The following PLCD3 variants were observed in gnomAD, a reference collection of about 807,000 sequenced individuals.
The protein encoded by PLCD3 is 1-phosphatidylinositol 4,5-bisphosphate phosphodiesterase delta-3.
In PLCD3, 62 loss-of-function variants were observed where a neutral mutation model predicts 82.8. The ratio of observed to expected loss-of-function variants is 0.75; its 90% CI spans 0.61 to 0.93. The LOEUF (loss-of-function observed/expected upper bound fraction) is 0.93, where lower values mean the gene tolerates loss of function less well. PLCD3 is among the 40% of genes least tolerant of loss of function. The pLI, the probability that PLCD3 is intolerant of heterozygous loss-of-function variation, is 0.00. For missense variants in PLCD3, 1,023 were observed against 1,103.4 expected, an observed-to-expected ratio of 0.93 and a Z score of 1.03; for synonymous variants, 478 against 471.8, an observed-to-expected ratio of 1.01 and a Z score of -0.17.
At position 45,113,581 on chromosome 17, in the gene PLCD3, C is replaced by T. The variant is rs1482062566; in HGVS notation, c.1853G>A (p.Gly618Asp). The T allele has an allele frequency of 6.4e-7, 1 of 1,556,818 alleles. No individual in the cohort carries two copies. Among genetic ancestry groups the T allele is most frequent in the South Asian group, 1.2e-5 (1 of 84,268 alleles). ...QLVALNFQTPGYEMDLNAGRF... is the reference protein window; with the variant it reads ...QLVALNFQTPDYEMDLNAGRF... ...CCCGGCATTGAGGTCCATCTCGTAG[C>T]CTGGCGTCTGGAAGTTCAAGGCCAC... Residue 618 changes from glycine to aspartate, a missense_variant, in exon 12 of 15, where the codon GGC becomes GAC. Physicochemically the swap from Gly to Asp is moderately conservative, Grantham distance 94. Transcript: ENST00000619929.
intron 7 of PLCD3, among the ~76,000 whole-genome samples, chr17:45,117,158 T>C (rs944213325): frequency 1.3e-5 from 2 of 152,166 alleles, no homozygotes; most frequent in African/African-American, 2.4e-5. Context: ...TTGGCCAGGC[T>C]GGTCTCAAAC....
chr17:45,118,212 GCCAGGAAGGCC>G lies in PLCD3; in HGVS notation c.1115+68_1116-75del. On this transcript the variant is annotated intron_variant, in intron 6 of 14. Coordinates refer to ENST00000619929, the MANE Select transcript of PLCD3 (RefSeq NM_133373.5). This position sits in a 1 kb window ranked among gnomAD's most constrained non-coding sequence, Gnocchi z 4.1. ...CAGAGCAGGGCAGCAGGCAGGCTGG[GCCAGGAAGGCC>G]CCAGGAAGCCAGCCCATGTCTCTCC... is the stretch of plus-strand genomic sequence containing the variant. The G allele has an allele frequency of 6.2e-7, 1 of 1,611,120 alleles. No homozygotes were observed. Among genetic ancestry groups the G allele is most frequent in the Non-Finnish European group, 8.5e-7 (1 of 1,177,992 alleles).
Position 45,132,461 on chromosome 17 carries a change from G to A in PLCD3, c.-51C>T, listed in dbSNP as rs1053961617. ...CCCGGGGTCTGCACGCGGGGACAGG[G>A]CAGCGGGGCGCCGCTCTGGCCCGGC... On this transcript the variant is annotated 5_prime_UTR_variant, in exon 1 of 15. Transcript: ENST00000619929. This position sits in a 1 kb window ranked among gnomAD's most constrained non-coding sequence, Gnocchi z 4.6. The A allele has an allele frequency of 1.2e-5, 13 of 1,113,184 alleles. No individual in the cohort carries two copies. Among genetic ancestry groups the A allele is most frequent in the Non-Finnish European group, 5.6e-6 (5 of 895,322 alleles). The allele number at this position is 1,113,184 out of a possible 1,614,324, so 69.0% of individuals were successfully genotyped here.
Position 45,118,860 on chromosome 17 carries a change from C to T in PLCD3, c.868G>A (p.Ala290Thr). The T allele has an allele frequency of 6.2e-7, 1 of 1,611,842 alleles. No individual in the cohort carries two copies. Among genetic ancestry groups the T allele is most frequent in the Non-Finnish European group, 8.5e-7 (1 of 1,179,802 alleles). Residue 290 changes from alanine to threonine, a missense_variant, in exon 5 of 15, where the codon GCC becomes ACC. Coordinates refer to ENST00000619929, the MANE Select transcript of PLCD3 (RefSeq NM_133373.5). The surrounding 1 kb of genome is among the most constrained non-coding windows in gnomAD (Gnocchi z 4.1). ...GTCTGAATGAGCTGCTGGGCGCGGGCCAGTGTGGCGCCCTCCTCGCCCTGG... is the reference window on the plus strand; with the variant it reads ...GTCTGAATGAGCTGCTGGGCGCGGGTCAGTGTGGCGCCCTCCTCGCCCTGG... ...EDQGEEGATL[A>T]RAQQLIQTYE...
chr17:45,124,447 G>A (rs2054366012), intron 1 of PLCD3, among the ~76,000 whole-genome samples: 1 of 151,614 alleles, frequency 6.6e-6, no homozygotes, highest in African/African-American at 2.4e-5. Context: ...AAGCCAAACA[G>A]AAGGAGGGTG....
At chr17:45,113,705 C>T (rs980545466) in intron 11 of PLCD3, 100 bp from the exon 12 acceptor site, 2 of 1,402,592 alleles carry the variant, frequency 1.4e-6, no homozygotes, top group Non-Finnish European at 9.6e-7. Flanking sequence ...GCCTGGGGTC[C>T]CACTGTCTGC....
chr17:45,121,073 C>A lies in PLCD3; in HGVS notation c.383G>T (p.Arg128Leu). The change falls in exon 3 of 15, where the codon CGC (arginine) becomes CTC (leucine). Residue 128 changes from arginine (R) to leucine (L), a missense_variant. By Grantham distance (102) the Arg-to-Leu change is moderately radical. This residue lies in a region of PLCD3 where 448 missense variants were observed against 406.3 expected (regional missense o/e 1.10). Transcript: ENST00000619929. ...CGCTGGCGCGAAGGCACCCCCGAAG[C>A]GCCGCAGGCCCTCGGACTGGTGGCC... ...REGHQSEGLR[R>L]FGGAFAPARC... 2 of 1,541,326 alleles carry A rather than the reference C, an allele frequency of 1.3e-6. No homozygotes were observed. The highest frequency in any genetic ancestry group is 1.7e-6 in the Non-Finnish European group (2 of 1,152,130).
At position 45,128,569 on chromosome 17, in the gene PLCD3, T is replaced by G. The variant is rs565851470; in HGVS notation, c.163+3679A>C. Among the ~76,000 whole-genome samples, 230 of 152,318 alleles carry G rather than the reference T, an allele frequency of 1.5e-3. 4 individuals are homozygous for G. The highest frequency in any genetic ancestry group is 2.6e-4 in the Non-Finnish European group (18 of 68,024). Reference sequence around the variant, plus strand: ...CAGGCCATGGGCCGAGCCCTCTCGCTCAGGGGCACTTGGTAGTGTGTGTAG... The same window carrying G: ...CAGGCCATGGGCCGAGCCCTCTCGCGCAGGGGCACTTGGTAGTGTGTGTAG... On this transcript the variant is annotated intron_variant, in intron 1 of 14. Coordinates refer to ENST00000619929, the MANE Select transcript of PLCD3 (RefSeq NM_133373.5).
chr17:45,128,303 A>G (rs776926537), intron 1 of PLCD3, among the ~76,000 whole-genome samples: 2 of 152,228 alleles, frequency 1.3e-5, no homozygotes, highest in African/African-American at 2.4e-5. Context: ...CAGAACAGGC[A>G]TGAAACCTGG....
chr17:45,117,253 G>C lies in PLCD3; in HGVS notation c.1261-469C>G, dbSNP rs548537088. 2.0e-5 allele frequency among the ~76,000 whole-genome samples: 3 copies of C among 150,044 alleles called. No homozygotes were observed. In the South Asian group the frequency reaches 6.2e-4, roughly 31 times the overall value. Reference sequence around the variant, plus strand: ...AGCCACCACGCCTGGCCGATTTTTTGTTGTTGTTGTCTATGCTTTGGTCTC... The same window carrying C: ...AGCCACCACGCCTGGCCGATTTTTTCTTGTTGTTGTCTATGCTTTGGTCTC... On this transcript the variant is annotated intron_variant, in intron 7 of 14. Transcript: ENST00000619929.
chr17:45,113,604 C>T lies in PLCD3; in HGVS notation c.1830G>A (p.Val610=), dbSNP rs753513340. The part of the protein sequence containing the change: ...QEMWNSGCQL[V]ALNFQTPGYE... ...AGCCTGGCGTCTGGAAGTTCAAGGC[C>T]ACTGTGGACACAGCAGGGTCAGAGC... The change falls in exon 12 of 15, where the codon GTG becomes GTA. Residue 610 remains valine, a splice_region_variant and synonymous_variant. Transcript: ENST00000619929. 19 of 1,554,120 alleles carry T rather than the reference C, an allele frequency of 1.2e-5. No individual in the cohort carries two copies. In the Admixed American group the frequency reaches 3.7e-4, roughly 30 times the overall value.
At position 45,118,119 on chromosome 17, in the gene PLCD3, G is replaced by A. The variant is rs779191448; in HGVS notation, c.1135C>T (p.Arg379Cys). The change falls in exon 7 of 15, where the codon CGC becomes TGC. Residue 379 changes from arginine to cysteine, a missense_variant. Arg to Cys is a radical substitution (Grantham distance 180). Transcript: ENST00000619929. This position sits in a 1 kb window ranked among gnomAD's most constrained non-coding sequence, Gnocchi z 4.1. ...AYVRAFAQGC[R>C]CVELDCWEGP... is the part of the protein sequence containing the mutation. ...TCCCAGCAGTCCAGCTCCACGCAGCGGCATCCCTGGGCAAAGGCCCTGTGT... is the reference window on the plus strand; with the variant it reads ...TCCCAGCAGTCCAGCTCCACGCAGCAGCATCCCTGGGCAAAGGCCCTGTGT... The A allele has an allele frequency of 3.7e-5, 59 of 1,613,780 alleles. No homozygotes were observed. Among genetic ancestry groups the A allele is most frequent in the East Asian group, 1.6e-4 (7 of 44,896 alleles).
rs1047723463 is a variant in PLCD3 at position 45,111,146 on chromosome 17, C to G, written c.*1470G>C. 1 of 152,204 alleles carries G rather than the reference C, an allele frequency of 6.6e-6. No homozygotes were observed. The highest frequency in any genetic ancestry group is 1.5e-5 in the Non-Finnish European group (1 of 68,050). 9.4% of individuals were successfully genotyped at this position (152,204 alleles called of 1,614,324 possible). ...CAGGATTTTCTCCAGATTCTGTCGC[C>G]TAGTGTCCAGTGCGCTCTCCTGGCA... On this transcript the variant is annotated 3_prime_UTR_variant, in exon 15 of 15. Transcript: ENST00000619929.
chr17:45,132,279 C>T lies in PLCD3; in HGVS notation c.132G>A (p.Lys44=), dbSNP rs2054471622. ...TCTTCAGCGCCCGCAGCCCGGGCCTCTTGGTGCCGCCATCGGAGGGAGTCG... is the reference window on the plus strand; with the variant it reads ...TCTTCAGCGCCCGCAGCCCGGGCCTTTTGGTGCCGCCATCGGAGGGAGTCG... ...SPPTPSDGGT[K]RPGLRALKKM... Residue 44 remains lysine (K), a synonymous_variant, in exon 1 of 15, where the codon AAG becomes AAA. Coordinates refer to ENST00000619929, the MANE Select transcript of PLCD3 (RefSeq NM_133373.5). The surrounding 1 kb of genome is among the most constrained non-coding windows in gnomAD (Gnocchi z 4.6). 1.6e-6 allele frequency: 2 copies of T among 1,274,366 alleles called. No homozygotes were observed. The highest frequency in any genetic ancestry group is 2.9e-5 in the East Asian group (1 of 34,418). 78.9% of individuals were successfully genotyped at this position (1,274,366 alleles called of 1,614,324 possible).
At chr17:45,131,922 G>A (rs574548101) in intron 1 of PLCD3, among the ~76,000 whole-genome samples, 1 of 152,200 alleles carries the variant, frequency 6.6e-6, no homozygotes, top group East Asian at 1.9e-4. Flanking sequence ...CTGGGGAGCC[G>A]GACGAGGGAC....
rs2054251455 is a variant in PLCD3 at position 45,112,524 on chromosome 17, G to A, written c.*92C>T. 4 of 1,359,168 alleles carry A rather than the reference G, an allele frequency of 2.9e-6. No individual in the cohort carries two copies. The Admixed American group carries it at 7.9e-5, about 27-fold the overall frequency. 84.2% of individuals were successfully genotyped at this position (1,359,168 alleles called of 1,614,324 possible). Reference sequence around the variant, plus strand: ...GCCAAGTGGGTGGGCTGGGGGGCTGGTACTCCCACCACCTGACTCCAGAGG... The same window carrying A: ...GCCAAGTGGGTGGGCTGGGGGGCTGATACTCCCACCACCTGACTCCAGAGG... On this transcript the variant is annotated 3_prime_UTR_variant, in exon 15 of 15. Transcript: ENST00000619929.
At chr17:45,127,014 G>A (rs1405098743) in intron 1 of PLCD3, among the ~76,000 whole-genome samples, 7 of 152,344 alleles carry the variant, frequency 4.6e-5, no homozygotes, top group Admixed American at 3.3e-4. Context: ...CAGCCAGGTC[G>A]GCACCCGGTG....
Position 45,120,430 on chromosome 17 carries a change from C to G in PLCD3, c.579G>C (p.Arg193=). The part of the protein sequence containing the change: ...LDHWIHSYLH[R]ADSNQDSKMS... Reference sequence around the variant, plus strand: ...TCTTGCTGTCCTGGTTGGAGTCAGCCCGGTGCAGATAGGAGTGGATCCAGG... The same window carrying G: ...TCTTGCTGTCCTGGTTGGAGTCAGCGCGGTGCAGATAGGAGTGGATCCAGG... Residue 193 remains arginine (R), a synonymous_variant, in exon 4 of 15, where the codon CGG becomes CGC. Coordinates refer to ENST00000619929, the MANE Select transcript of PLCD3 (RefSeq NM_133373.5). The G allele has an allele frequency of 1.9e-6, 3 of 1,613,980 alleles. No individual in the cohort carries two copies. Among genetic ancestry groups the G allele is most frequent in the Non-Finnish European group, 1.7e-6 (2 of 1,179,866 alleles).
chr17:45,121,335 C>T lies in PLCD3; in HGVS notation c.201G>A (p.Arg67=). ...TEDEDVRAML[R]GSRLRKIRSR... is the part of the protein sequence containing the mutation. ...AGCGGATCTTGCGGAGCCGGGAGCC[C>T]CGCAGCATGGCGCGCACGTCCTCGT... Residue 67 remains arginine, a synonymous_variant, in exon 2 of 15, where the codon CGG becomes CGA. Transcript: ENST00000619929. 1 of 1,551,638 alleles carries T rather than the reference C, an allele frequency of 6.4e-7. No homozygotes were observed. The highest frequency in any genetic ancestry group is 8.6e-7 in the Non-Finnish European group (1 of 1,157,320).
Sources: allele counts gnomAD v4.1 joint callset (sites outside exome capture counted in the v4.1 genomes callset), GRCh38; gene constraint gnomAD v4.1.1; regional missense constraint gnomAD v4.1.1; non-coding constraint Gnocchi (gnomAD v3.1); transcripts MANE v1.5; gene names NCBI Gene and HGNC (gene_info 2026-07-23, HGNC 2026-07-21).